The following ZC2HC1B variants were observed in gnomAD, a reference collection of about 807,000 sequenced individuals.
ZC2HC1B encodes zinc finger C2HC-type containing 1B, also known as zinc finger C2HC domain-containing protein 1B.
ZC2HC1B carries 36 observed loss-of-function variants against 31.0 expected under a neutral mutation model. The ratio of observed to expected loss-of-function variants is 1.16; its 90% CI spans 0.89 to 1.54. ZC2HC1B has a LOEUF of 1.54. ZC2HC1B is among the 40% of genes most tolerant of loss of function. ZC2HC1B has a pLI of 0.00. For synonymous variants in ZC2HC1B, 73 were observed against 88.0 expected, an observed-to-expected ratio of 0.83 and a Z score of 0.95; for missense variants, 260 against 268.6, an observed-to-expected ratio of 0.97 and a Z score of 0.22.
At chr6:143,927,415 G>A (rs1778065696) in intron 6 of ZC2HC1B, among the ~76,000 whole-genome samples, 1 of 152,020 alleles carries the variant, frequency 6.6e-6, no homozygotes, top group Non-Finnish European at 1.5e-5. Context: ...TTTGCTTTCT[G>A]TTTTTGTTAT....
rs1024307248 is a variant in ZC2HC1B, at chr6:143,884,119, T to G, written c.29-185T>G. Among the ~76,000 whole-genome samples the G allele has an allele frequency of 1.3e-5, 2 of 152,178 alleles. No individual in the cohort carries two copies. Among genetic ancestry groups the G allele is most frequent in the African/African-American group, 4.8e-5 (2 of 41,452 alleles). ...CTTGTTTAGTGAAGTGAGGAGTTTA[T>G]ATCAGGAAAGGAAAACACAGGTGAG... is the stretch of plus-strand genomic sequence containing the variant. On this transcript the variant is annotated intron_variant, in intron 1 of 7. Transcript: ENST00000237275. The surrounding 1 kb of genome is among the most constrained non-coding windows in gnomAD (Gnocchi z 5.1).
chr6:143,865,227 G>A lies in ZC2HC1B; in HGVS notation c.28+660G>A, dbSNP rs1777242527. ...TGATGATTGGGAACTGAACATAAAA[G>A]CTCCATGCTAAATGTTGGGAGCCCA... On this transcript the variant is annotated intron_variant, in intron 1 of 7. Transcript: ENST00000237275. The surrounding 1 kb of genome is among the most constrained non-coding windows in gnomAD (Gnocchi z 4.4). Among the ~76,000 whole-genome samples, 1 of 152,160 alleles carries A rather than the reference G, an allele frequency of 6.6e-6. No individual in the cohort carries two copies. The highest frequency in any genetic ancestry group is 1.5e-5 in the Non-Finnish European group (1 of 68,030).
At chr6:143,898,818 T>C in intron 5 of ZC2HC1B, 127 bp downstream of exon 5, 1 of 1,222,218 alleles carries the variant, frequency 8.2e-7, no homozygotes. Context: ...CTGATCATGA[T>C]TGCTCACCCC....
At chr6:143,926,749 C>G (rs566560982) in intron 6 of ZC2HC1B, among the ~76,000 whole-genome samples, 1 of 151,228 alleles carries the variant, frequency 6.6e-6, no homozygotes, top group Non-Finnish European at 1.5e-5. Flanking sequence ...GTCTATCTCT[C>G]CCTTCAGATC....
intron 4 of ZC2HC1B, 35 bp from the exon 5 acceptor site, chr6:143,898,517 T>C: frequency 6.5e-7 from 1 of 1,548,642 alleles, no homozygotes; most frequent in Non-Finnish European, 8.7e-7. Flanking sequence ...GTTTTTGAAG[T>C]GCTAATTGCC....
chr6:143,929,943 T>G (rs543984084), intron 6 of ZC2HC1B, among the ~76,000 whole-genome samples: 38 of 152,288 alleles, frequency 2.5e-4, no homozygotes, highest in African/African-American at 7.9e-4. Context: ...AATGTCTCCT[T>G]TTTCTTTTCT....
At chr6:143,930,556 T>A (rs1183724473) in intron 6 of ZC2HC1B, among the ~76,000 whole-genome samples, 1 of 151,744 alleles carries the variant, frequency 6.6e-6, no homozygotes, top group Non-Finnish European at 1.5e-5. Flanking sequence ...CCCGGCTAAT[T>A]TTTTTTATAT....
Position 143,877,061 on chromosome 6 carries a change from A to AAAT in ZC2HC1B, c.29-7239_29-7237dup, listed in dbSNP as rs1178646270. On this transcript the variant is annotated intron_variant, in intron 1 of 7. Coordinates refer to ENST00000237275, the MANE Select transcript of ZC2HC1B (RefSeq NM_001013623.3). The stretch of plus-strand genomic sequence containing the variant: ...GGAGGTTTATGTCCTTCTTTTTTGG[A>AAAT]AATAATTAAAAATTATTTTTATTCT... 4.7e-5 allele frequency among the ~76,000 whole-genome samples: 7 copies of AAAT among 149,848 alleles called. 2 individuals are homozygous for AAAT. The highest frequency in any genetic ancestry group is 1.7e-4 in the African/African-American group (7 of 40,532).
rs1208620358 is a variant in ZC2HC1B, at chr6:143,885,739, A to AT, written c.91-291dup. 6.6e-6 allele frequency among the ~76,000 whole-genome samples: 1 copy of AT among 151,170 alleles called. No individual in the cohort carries two copies. The highest frequency in any genetic ancestry group is 1.5e-5 in the Non-Finnish European group (1 of 68,010). The stretch of plus-strand genomic sequence containing the variant: ...ATGTTGAATACTTGAAGGACTACTG[A>AT]TTGGAGTAAAGAACATACTGCCCAC... On this transcript the variant is annotated intron_variant, in intron 2 of 7. Transcript: ENST00000237275. This position sits in a 1 kb window ranked among gnomAD's most constrained non-coding sequence, Gnocchi z 4.2.
chr6:143,908,282 T>A lies in ZC2HC1B; in HGVS notation c.598+5130T>A, dbSNP rs1358231198. Among the ~76,000 whole-genome samples the A allele has an allele frequency of 3.6e-5, 4 of 111,254 alleles. No homozygotes were observed. The highest frequency in any genetic ancestry group is 7.4e-5 in the Non-Finnish European group (4 of 53,894). The allele number at this position is 111,254 out of a possible 152,430, so 73.0% of individuals were successfully genotyped here. On this transcript the variant is annotated intron_variant, in intron 6 of 7. Coordinates refer to ENST00000237275, the MANE Select transcript of ZC2HC1B (RefSeq NM_001013623.3). The surrounding 1 kb of genome is among the most constrained non-coding windows in gnomAD (Gnocchi z 4.4). ...GGGCTCTGTTTTGATTTCATATGAA[T>A]TTTAAAATAGTTTTTTCTAATTCTG...
rs548105395 is a variant in ZC2HC1B, at chr6:143,922,832, T to C, written c.599-14817T>C. 1.3e-5 allele frequency among the ~76,000 whole-genome samples: 2 copies of C among 152,304 alleles called. No individual in the cohort carries two copies. Among genetic ancestry groups the C allele is most frequent in the Non-Finnish European group, 2.9e-5 (2 of 68,002 alleles). ...TAAACAAGAGGATATGGGTATCCCT[T>C]TGATATACTGATTTCCTTTCCTTTG... is the stretch of plus-strand genomic sequence containing the variant. On this transcript the variant is annotated intron_variant, in intron 6 of 7. Transcript: ENST00000237275. The surrounding 1 kb of genome is among the most constrained non-coding windows in gnomAD (Gnocchi z 5.0).
chr6:143,926,504 A>T lies in ZC2HC1B; in HGVS notation c.599-11145A>T, dbSNP rs1185821189. On this transcript the variant is annotated intron_variant, in intron 6 of 7. Transcript: ENST00000237275. ...TTGATATGATTTTGATTTTTTTTTT[A>T]AATTTAGACTTGCTTCGTGGCCTAG... Among the ~76,000 whole-genome samples, 29 of 144,414 alleles carry T rather than the reference A, an allele frequency of 2.0e-4. 2 individuals are homozygous for T. Among genetic ancestry groups the T allele is most frequent in the Admixed American group, 4.9e-4 (7 of 14,388 alleles). The allele number at this position is 144,414 out of a possible 152,430, so 94.7% of individuals were successfully genotyped here. A position where few individuals can be genotyped will look rare whatever the true frequency, so the allele number is the denominator to read the frequency against.
chr6:143,884,511 C>T lies in ZC2HC1B; in HGVS notation c.90+146C>T. On this transcript the variant is annotated intron_variant, in intron 2 of 7. Transcript: ENST00000237275. This position sits in a 1 kb window ranked among gnomAD's most constrained non-coding sequence, Gnocchi z 5.1. Reference sequence around the variant, plus strand: ...AAGTACATAACCTATGGCTGGTGGGCCCAGAGAACACTGAGGCAGATTGAT... The same window carrying T: ...AAGTACATAACCTATGGCTGGTGGGTCCAGAGAACACTGAGGCAGATTGAT... 1.6e-6 allele frequency: 1 copy of T among 643,538 alleles called. No individual in the cohort carries two copies. Among genetic ancestry groups the T allele is most frequent in the South Asian group, 3.2e-5 (1 of 31,312 alleles). The allele number at this position is 643,538 out of a possible 1,614,324, so 39.9% of individuals were successfully genotyped here. A position where few individuals can be genotyped will look rare whatever the true frequency, so the allele number is the denominator to read the frequency against.
At chr6:143,937,574 A>T in intron 6 of ZC2HC1B, 75 bp from the exon 7 acceptor site, 1 of 1,290,952 alleles carries the variant, frequency 7.7e-7, no homozygotes, top group Non-Finnish European at 1.0e-6. Context: ...CCATGTGGGG[A>T]TTTCACAATC....
At chr6:143,928,012 A>T (rs1778071891) in intron 6 of ZC2HC1B, among the ~76,000 whole-genome samples, 1 of 152,130 alleles carries the variant, frequency 6.6e-6, no homozygotes. Flanking sequence ...TTCCTTGTAG[A>T]TTCCAGATAT....
intron 1 of ZC2HC1B, among the ~76,000 whole-genome samples, chr6:143,880,200 T>C (rs1270883654): frequency 6.6e-6 from 1 of 152,158 alleles, no homozygotes; most frequent in Non-Finnish European, 1.5e-5. Flanking sequence ...ATTTTTAACA[T>C]TTTCAAAGAT....
rs184802061 is a variant in ZC2HC1B, at chr6:143,884,298, A to G, written c.29-6A>G. ...CTAACATAATGTGCTCTTGAATTTT[A>G]CACAGATGGCAATCAGGAATTGTTT... On this transcript the variant is annotated splice_region_variant and splice_polypyrimidine_tract_variant and intron_variant, in intron 1 of 7. Coordinates refer to ENST00000237275, the MANE Select transcript of ZC2HC1B (RefSeq NM_001013623.3). The surrounding 1 kb of genome is among the most constrained non-coding windows in gnomAD (Gnocchi z 5.1). The G allele has an allele frequency of 3.6e-5, 55 of 1,529,526 alleles. No homozygotes were observed. In the Admixed American group the frequency reaches 1.1e-3, roughly 30 times the overall value. 94.7% of individuals were successfully genotyped at this position (1,529,526 alleles called of 1,614,324 possible).
At chr6:143,920,994 G>A (rs1263952168) in intron 6 of ZC2HC1B, among the ~76,000 whole-genome samples, 4 of 149,774 alleles carry the variant, frequency 2.7e-5, no homozygotes, top group South Asian at 2.1e-4. Context: ...GAAAAAAACC[G>A]AATCCCAAAT....
chr6:143,879,763 T>C (rs1225307813), intron 1 of ZC2HC1B, among the ~76,000 whole-genome samples: 1 of 151,296 alleles, frequency 6.6e-6, no homozygotes, highest in Admixed American at 6.6e-5. Context: ...ATTCTCTCCA[T>C]GCTTCTTTGT....
Sources: allele counts gnomAD v4.1 joint callset (sites outside exome capture counted in the v4.1 genomes callset), GRCh38; gene constraint gnomAD v4.1.1; non-coding constraint Gnocchi (gnomAD v3.1); transcripts MANE v1.5; gene names NCBI Gene and HGNC (gene_info 2026-07-23, HGNC 2026-07-21).